VPS25: variants seen among roughly 807,000 people sequenced by gnomAD.
The protein encoded by VPS25 is vacuolar protein-sorting-associated protein 25.
In VPS25, 21 loss-of-function variants were observed where a neutral mutation model predicts 30.3. The ratio of observed to expected loss-of-function variants is 0.69; its 90% CI spans 0.49 to 1.00. The LOEUF (loss-of-function observed/expected upper bound fraction) is 1.00, where lower values mean the gene tolerates loss of function less well. Ranked by LOEUF, VPS25 falls within the 50% of genes least tolerant of loss-of-function variation. The pLI is 0.00. For missense variants in VPS25, 156 were observed against 217.2 expected, an observed-to-expected ratio of 0.72 and a Z score of 1.77; for synonymous variants, 101 against 88.1, an observed-to-expected ratio of 1.15 and a Z score of -0.82.
At position 42,773,860 on chromosome 17, in the gene VPS25, A is replaced by G; in HGVS notation, c.181A>G (p.Asn61Asp). The change falls in exon 2 of 6, where the codon AAC (asparagine) becomes GAC (aspartate). Residue 61 changes from asparagine to aspartate, a missense_variant. Physicochemically the swap from Asn to Asp is conservative, Grantham distance 23. Transcript: ENST00000253794. ...VMEAQESPLFNNVKLQRKLPV... is the reference protein window; with the variant it reads ...VMEAQESPLFDNVKLQRKLPV... The stretch of plus-strand genomic sequence containing the variant: ...GGAAGCTCAGGAGAGCCCGCTCTTC[A>G]ACAACGTCAAGCTACAGCGTATCCT... 6.2e-7 allele frequency: 1 copy of G among 1,613,600 alleles called. No homozygotes were observed. Among genetic ancestry groups the G allele is most frequent in the Non-Finnish European group, 8.5e-7 (1 of 1,179,976 alleles).
At position 42,773,788 on chromosome 17, in the gene VPS25, G is replaced by A. The variant is rs1282315219; in HGVS notation, c.109G>A (p.Val37Ile). Residue 37 changes from valine (V) to isoleucine (I), a missense_variant, in exon 2 of 6, where the codon GTC (valine) becomes ATC (isoleucine). Val to Ile is a conservative substitution (Grantham distance 29). Coordinates refer to ENST00000253794, the MANE Select transcript of VPS25 (RefSeq NM_032353.4). ...QKQLAAWCSL[V>I]LSFCRLHKQS... The stretch of plus-strand genomic sequence containing the variant: ...GCAGCTGGCCGCCTGGTGCTCGCTG[G>A]TCCTGTCCTTCTGCCGCCTGCACAA... 1 of 1,614,102 alleles carries A rather than the reference G, an allele frequency of 6.2e-7. No individual in the cohort carries two copies. Among genetic ancestry groups the A allele is most frequent in the Admixed American group, 1.7e-5 (1 of 60,016 alleles).
intron 5 of VPS25, among the ~76,000 whole-genome samples, chr17:42,777,184 A>T (rs2054440853): frequency 6.6e-6 from 1 of 152,002 alleles, no homozygotes; most frequent in Non-Finnish European, 1.5e-5. Context: ...ACGCCACTGC[A>T]CTCCAGCCTG....
At position 42,773,740 on chromosome 17, in the gene VPS25, C is replaced by A; in HGVS notation, c.61C>A (p.Pro21Thr). ...ACTCCCTTCACCCGGCAGGTTACAACCGAATGTGGACACTCGGCAGAAGCA... is the reference window on the plus strand; with the variant it reads ...ACTCCCTTCACCCGGCAGGTTACAAACGAATGTGGACACTCGGCAGAAGCA... ...YRFPPFFTLQ[P>T]NVDTRQKQLA... is the part of the protein sequence containing the mutation. Residue 21 changes from proline to threonine, a missense_variant, in exon 2 of 6, where the codon CCG (proline) becomes ACG (threonine). Transcript: ENST00000253794. 6.2e-7 allele frequency: 1 copy of A among 1,613,984 alleles called. No homozygotes were observed. Among genetic ancestry groups the A allele is most frequent in the Non-Finnish European group, 8.5e-7 (1 of 1,179,910 alleles).
Position 42,774,673 on chromosome 17 carries a change from T to C in VPS25, c.227T>C (p.Ile76Thr). ...AAGCTTCCTGTGGAGTCGATCCAGA[T>C]TGTATTAGAGGAACTGAGGAAGAAA... Reference protein sequence around the residue: ...QRKLPVESIQIVLEELRKKGN... With the variant: ...QRKLPVESIQTVLEELRKKGN... Residue 76 changes from isoleucine (I) to threonine (T), a missense_variant, in exon 3 of 6, where the codon ATT (isoleucine) becomes ACT (threonine). Coordinates refer to ENST00000253794, the MANE Select transcript of VPS25 (RefSeq NM_032353.4). 6.2e-7 allele frequency: 1 copy of C among 1,613,340 alleles called. No individual in the cohort carries two copies. The highest frequency in any genetic ancestry group is 1.3e-5 in the African/African-American group (1 of 75,022).
chr17:42,773,870 A>G lies in VPS25; in HGVS notation c.191A>G (p.Lys64Arg), dbSNP rs779021311. The G allele has an allele frequency of 6.2e-7, 1 of 1,613,106 alleles. No individual in the cohort carries two copies. The highest frequency in any genetic ancestry group is 8.5e-7 in the Non-Finnish European group (1 of 1,179,976). Residue 64 changes from lysine (K) to arginine (R), a missense_variant, in exon 2 of 6, where the codon AAG (lysine) becomes AGG (arginine). Transcript: ENST00000253794. Reference protein sequence around the residue: ...AQESPLFNNVKLQRKLPVESI... With the variant: ...AQESPLFNNVRLQRKLPVESI... The stretch of plus-strand genomic sequence containing the variant: ...GAGAGCCCGCTCTTCAACAACGTCA[A>G]GCTACAGCGTATCCTCCCTCAGGCT...
rs747859048 is a variant in VPS25 at position 42,775,443 on chromosome 17, G to C, written c.316G>C (p.Glu106Gln). 2 of 1,614,034 alleles carry C rather than the reference G, an allele frequency of 1.2e-6. No individual in the cohort carries two copies. Among genetic ancestry groups the C allele is most frequent in the South Asian group, 1.1e-5 (1 of 91,074 alleles). Reference protein sequence around the residue: ...SFLIMWRRPEEWGKLIYQWVS... With the variant: ...SFLIMWRRPEQWGKLIYQWVS... ...CCTGATCATGTGGCGGAGGCCAGAA[G>C]AATGGGGGAAACTCATCTATCAGTG... Residue 106 changes from glutamate to glutamine, a missense_variant, in exon 4 of 6, where the codon GAA becomes CAA. By Grantham distance (29) the Glu-to-Gln change is conservative. Transcript: ENST00000253794.
At chr17:42,777,431 C>T (rs1368168915) in intron 5 of VPS25, among the ~76,000 whole-genome samples, 2 of 152,218 alleles carry the variant, frequency 1.3e-5, no homozygotes, top group Non-Finnish European at 2.9e-5. Flanking sequence ...AGGAGGATCG[C>T]TTGAACCCGA....
In VPS25 at chr17:42,773,638, A is replaced by G. The variant is rs2054421312; in HGVS notation, c.54-95A>G. Reference sequence around the variant, plus strand: ...AGGGGGAGAAAAGACCCGTCGGCCAACACCCTCAGTCCCTTACTTTCTTCC... The same window carrying G: ...AGGGGGAGAAAAGACCCGTCGGCCAGCACCCTCAGTCCCTTACTTTCTTCC... On this transcript the variant is annotated intron_variant, in intron 1 of 5. Coordinates refer to ENST00000253794, the MANE Select transcript of VPS25 (RefSeq NM_032353.4). 51 of 1,605,456 alleles carry G rather than the reference A, an allele frequency of 3.2e-5. No homozygotes were observed. The South Asian group carries it at 5.5e-4, about 17-fold the overall frequency.
chr17:42,774,979 T>C (rs2054428498), intron 3 of VPS25: 2 of 406,818 alleles, frequency 4.9e-6, no homozygotes, highest in Non-Finnish European at 8.8e-6. Flanking sequence ...TTCTGAAAGC[T>C]GAGTCTCTTC....
chr17:42,773,592 G>T, intron 1 of VPS25, 64 bp downstream of exon 1: 1 of 1,611,728 alleles, frequency 6.2e-7, no homozygotes, highest in East Asian at 2.2e-5. Context: ...CCTGGGCTCA[G>T]CCCTGATGCT....
chr17:42,776,197 C>A (rs762165851), intron 4 of VPS25, 48 bp from the exon 5 acceptor site: 1 of 1,526,364 alleles, frequency 6.6e-7, no homozygotes, highest in Non-Finnish European at 9.1e-7. Context: ...TTACTGTCTC[C>A]CAGGAGATTC....
In VPS25 at chr17:42,779,502, G is replaced by A. The variant is rs1237323377; in HGVS notation, c.*433G>A. On this transcript the variant is annotated 3_prime_UTR_variant, in exon 6 of 6. Transcript: ENST00000253794. ...GGGGATGGGGGAAGCCCTGGCTGCA[G>A]GCAGCCTTCCAGGCAATATGAAGAT... The A allele has an allele frequency of 5.8e-6, 1 of 171,692 alleles. No individual in the cohort carries two copies. The allele number at this position is 171,692 out of a possible 1,614,324, so 10.6% of individuals were successfully genotyped here.
At chr17:42,774,889 G>C in intron 3 of VPS25, 190 bp downstream of exon 3, 1 of 517,834 alleles carries the variant, frequency 1.9e-6, no homozygotes, top group Non-Finnish European at 3.5e-6. Flanking sequence ...ATCTCTGTCT[G>C]TGCCCTAAAC....
chr17:42,776,565 T>C (rs546633867), intron 5 of VPS25, among the ~76,000 whole-genome samples: 3 of 152,262 alleles, frequency 2.0e-5, no homozygotes, highest in African/African-American at 4.8e-5. Flanking sequence ...GGTTTCACCA[T>C]GTTAGCCAGG....
intron 3 of VPS25, 124 bp from the exon 4 acceptor site, chr17:42,775,257 G>T: frequency 3.0e-6 from 2 of 662,788 alleles, no homozygotes; most frequent in South Asian, 3.8e-5. Context: ...ATTTTCTGTA[G>T]GGTCTCATCA....
intron 1 of VPS25, 27 bp from the exon 2 acceptor site, chr17:42,773,706 C>G (rs778545150): frequency 3.1e-5 from 50 of 1,610,866 alleles, no homozygotes; most frequent in Non-Finnish European, 4.2e-5. Flanking sequence ...CCCTCTAATT[C>G]TGCGCCCCAC....
chr17:42,777,868 A>G (rs2054444714), intron 5 of VPS25, among the ~76,000 whole-genome samples: 1 of 152,192 alleles, frequency 6.6e-6, no homozygotes, highest in Non-Finnish European at 1.5e-5. Flanking sequence ...GGGATAACAG[A>G]GGGTGTCTCC....
chr17:42,774,643 C>T lies in VPS25; in HGVS notation c.200-3C>T. ...GTATGCCGTTCCCTTAACCTTAAAC[C>T]AGGAAAGCTTCCTGTGGAGTCGATC... is the stretch of plus-strand genomic sequence containing the variant. On this transcript the variant is annotated splice_region_variant and splice_polypyrimidine_tract_variant and intron_variant, in intron 2 of 5. Transcript: ENST00000253794. 1 of 1,612,232 alleles carries T rather than the reference C, an allele frequency of 6.2e-7. No homozygotes were observed.
At chr17:42,773,663 C>G in intron 1 of VPS25, 70 bp from the exon 2 acceptor site, 1 of 1,604,780 alleles carries the variant, frequency 6.2e-7, no homozygotes, top group Non-Finnish European at 8.5e-7. Flanking sequence ...TACTTTCTTC[C>G]TGAAATGCGT....
Sources: gnomAD v4.1 joint callset for allele counts (sites outside exome capture counted in the v4.1 genomes callset) on GRCh38, gnomAD v4.1.1 for gene constraint, MANE v1.5 for transcripts, NCBI Gene and HGNC (gene_info 2026-07-23, HGNC 2026-07-21) for gene names.